MGAT4C: variants seen among roughly 807,000 people sequenced by gnomAD.
The protein encoded by MGAT4C is MGAT4 family member C.
MGAT4C carries 19 observed loss-of-function variants against 40.1 expected under a neutral mutation model. The observed-to-expected ratio is 0.47, with a 90% CI of 0.33 to 0.70. The LOEUF is 0.70. MGAT4C is among the 30% of genes least tolerant of loss of function. MGAT4C has a pLI of 0.02. For missense variants in MGAT4C, 491 were observed against 563.2 expected, an observed-to-expected ratio of 0.87 and a Z score of 1.30; for synonymous variants, 181 against 187.1, an observed-to-expected ratio of 0.97 and a Z score of 0.27.
intron 2 of MGAT4C, among the ~76,000 whole-genome samples, chr12:86,042,761 G>C (rs184034671): frequency 6.6e-6 from 1 of 151,432 alleles, no homozygotes. Context: ...CCAGCTACTC[G>C]GGAGGCTGAG....
intron 1 of MGAT4C, among the ~76,000 whole-genome samples, chr12:86,123,644 A>C (rs949700264): frequency 2.0e-5 from 3 of 152,116 alleles, no homozygotes; most frequent in Non-Finnish European, 2.9e-5. Flanking sequence ...TTGGATGTTC[A>C]TATTTCTTTG....
chr12:86,650,591 T>A (rs181185309), intron 2 of MGAT4C, among the ~76,000 whole-genome samples: 2 of 151,934 alleles, frequency 1.3e-5, no homozygotes, highest in African/African-American at 4.8e-5. Context: ...ATTTGACTTA[T>A]GATTCTCTTG....
At chr12:86,585,034 T>C (rs1246949654) in intron 2 of MGAT4C, among the ~76,000 whole-genome samples, 1 of 151,428 alleles carries the variant, frequency 6.6e-6, no homozygotes, top group Non-Finnish European at 1.5e-5. Context: ...TAGAGTATGG[T>C]TCAACCATTA....
chr12:86,107,246 T>C (rs1876362758), intron 1 of MGAT4C, among the ~76,000 whole-genome samples: 1 of 152,196 alleles, frequency 6.6e-6, no homozygotes, highest in Non-Finnish European at 1.5e-5. Flanking sequence ...TTGTTTCAAA[T>C]ATATTTTAAA....
chr12:86,201,483 A>G (rs1950048302), intron 1 of MGAT4C, among the ~76,000 whole-genome samples: 1 of 149,332 alleles, frequency 6.7e-6, no homozygotes. Flanking sequence ...ATATTTACAT[A>G]ATATAAAATA....
intron 3 of MGAT4C, among the ~76,000 whole-genome samples, chr12:86,403,438 C>A (rs1956407603): frequency 6.6e-6 from 1 of 152,162 alleles, no homozygotes; most frequent in Non-Finnish European, 1.5e-5. Flanking sequence ...AGAATTTTTG[C>A]TAGGGCAGAA....
intron 2 of MGAT4C, among the ~76,000 whole-genome samples, chr12:86,554,470 T>C (rs1959515827): frequency 6.6e-6 from 1 of 152,224 alleles, no homozygotes; most frequent in African/African-American, 2.4e-5. Flanking sequence ...TGCTTTTCAC[T>C]ACCATACTAG....
intron 2 of MGAT4C, among the ~76,000 whole-genome samples, chr12:86,481,214 G>T (rs1319074739): frequency 6.6e-6 from 1 of 151,864 alleles, no homozygotes; most frequent in African/African-American, 2.4e-5. Context: ...AATTTTCTTG[G>T]TAAAAAATGT....
intron 2 of MGAT4C, among the ~76,000 whole-genome samples, chr12:86,662,947 T>G (rs1964015641): frequency 6.6e-6 from 1 of 152,182 alleles, no homozygotes. Context: ...AATACATATT[T>G]GTTAATTGCA....
chr12:86,725,610 G>A (rs1950809194), intron 2 of MGAT4C, among the ~76,000 whole-genome samples: 10 of 151,992 alleles, frequency 6.6e-5, no homozygotes, highest in Admixed American at 6.6e-4. Context: ...ACAGGCGCAC[G>A]CTGCCTCGCC....
intron 1 of MGAT4C, among the ~76,000 whole-genome samples, chr12:86,090,334 C>T (rs1199477633): frequency 6.6e-6 from 1 of 151,662 alleles, no homozygotes; most frequent in Admixed American, 6.6e-5. Context: ...CACTATTTCT[C>T]ATACTCAGTG....
intron 2 of MGAT4C, among the ~76,000 whole-genome samples, chr12:86,622,154 C>G (rs12368932): frequency 1.3e-5 from 2 of 151,902 alleles, no homozygotes; most frequent in South Asian, 2.1e-4. Context: ...TTTATTGTGA[C>G]GTAATTTTAT....
intron 2 of MGAT4C, among the ~76,000 whole-genome samples, chr12:86,709,297 G>A (rs971753730): frequency 6.6e-5 from 10 of 152,172 alleles, no homozygotes; most frequent in Non-Finnish European, 1.5e-4. Flanking sequence ...GGCTTCCCCA[G>A]CCACGTGGAA....
chr12:86,819,707 T>C (rs1952673654), intron 1 of MGAT4C, among the ~76,000 whole-genome samples: 1 of 150,886 alleles, frequency 6.6e-6, no homozygotes, highest in South Asian at 2.1e-4. Context: ...AGAAAACTTT[T>C]TTCGTATAAT....
intron 1 of MGAT4C, among the ~76,000 whole-genome samples, chr12:86,825,354 T>TATATAA (rs1952785205): frequency 6.6e-6 from 1 of 151,340 alleles, no homozygotes; most frequent in African/African-American, 2.4e-5. Flanking sequence ...AAATCTTTGC[T>TATATAA]ATATACGAGA....
chr12:86,252,852 T>C (rs1440824838), intron 1 of MGAT4C, among the ~76,000 whole-genome samples: 1 of 151,954 alleles, frequency 6.6e-6, no homozygotes, highest in Non-Finnish European at 1.5e-5. Context: ...TGCTTGAACA[T>C]ACATTATAAA....
chr12:86,421,399 A>C (rs17014008), intron 3 of MGAT4C, among the ~76,000 whole-genome samples: 9,825 of 152,232 alleles, frequency 0.065, 762 homozygotes, highest in East Asian at 0.23. Context: ...TTGGTTGTCA[A>C]AAATCTCTTT....
At chr12:86,089,492 A>G (rs933603148) in intron 1 of MGAT4C, among the ~76,000 whole-genome samples, 35 of 151,624 alleles carry the variant, frequency 2.3e-4, no homozygotes, top group African/African-American at 8.0e-4. Context: ...CCTCTATCCC[A>G]CTGGTTGAAT....
At chr12:86,728,464 G>A (rs1246293862) in intron 1 of MGAT4C, among the ~76,000 whole-genome samples, 2 of 152,220 alleles carry the variant, frequency 1.3e-5, no homozygotes, top group Admixed American at 1.3e-4. Flanking sequence ...TCTGAGGCTG[G>A]TGAATTACCG....
Sources: allele counts gnomAD v4.1 joint callset (sites outside exome capture counted in the v4.1 genomes callset), GRCh38; gene constraint gnomAD v4.1.1; transcripts MANE v1.5; gene names NCBI Gene and HGNC (gene_info 2026-07-23, HGNC 2026-07-21).